RLF: variants seen among roughly 807,000 people sequenced by gnomAD.
RLF encodes the protein zinc finger protein Rlf.
In RLF, 7 loss-of-function variants were observed where a neutral mutation model predicts 162.9. The observed-to-expected ratio is 0.04, with a 90% CI of 0.02 to 0.08. The LOEUF is 0.08. Ranked by LOEUF, RLF falls within the 10% of genes least tolerant of loss-of-function variation. RLF has a pLI of 1.00. For synonymous variants in RLF, 782 were observed against 791.5 expected, an observed-to-expected ratio of 0.99 and a Z score of 0.20; for missense variants, 1,664 against 2,244.7, an observed-to-expected ratio of 0.74 and a Z score of 5.23.
At chr1:40,217,788 G>A (rs530350134) in intron 5 of RLF, among the ~76,000 whole-genome samples, 115 of 152,024 alleles carry the variant, frequency 7.6e-4, no homozygotes, top group Non-Finnish European at 1.5e-3. Flanking sequence ...AAGAAAGAAA[G>A]AAAGAAAAAC....
In RLF at chr1:40,232,367, A is replaced by T. The variant is rs117211158; in HGVS notation, c.1089+709A>T. 7.3e-4 allele frequency among the ~76,000 whole-genome samples: 111 copies of T among 152,346 alleles called. 1 individual carries two copies. The East Asian group carries it at 0.016, about 22-fold the overall frequency. On this transcript the variant is annotated intron_variant, in intron 7 of 7. Transcript: ENST00000372771. ...GTTGAATAACATCACAAAAATTAATACTTAAAACAATGTCCGTTTTTATCA... is the reference window on the plus strand; with the variant it reads ...GTTGAATAACATCACAAAAATTAATTCTTAAAACAATGTCCGTTTTTATCA...
At chr1:40,216,111 T>C (rs1642920757) in intron 5 of RLF, among the ~76,000 whole-genome samples, 1 of 152,024 alleles carries the variant, frequency 6.6e-6, no homozygotes, top group Non-Finnish European at 1.5e-5. Flanking sequence ...ATAAAAAGGA[T>C]TATAAAGGAA....
chr1:40,180,574 C>T (rs1333901637), intron 1 of RLF, among the ~76,000 whole-genome samples: 9 of 152,004 alleles, frequency 5.9e-5, no homozygotes, highest in Non-Finnish European at 2.9e-5. Flanking sequence ...TTTTATTTTA[C>T]ATGATAGTCA....
At position 40,218,255 on chromosome 1, in the gene RLF, C is replaced by G. The variant is rs1642951309; in HGVS notation, c.811-4319C>G. Among the ~76,000 whole-genome samples the G allele has an allele frequency of 2.0e-5, 3 of 152,262 alleles. No individual in the cohort carries two copies. In the South Asian group the frequency reaches 6.2e-4, roughly 32 times the overall value. On this transcript the variant is annotated intron_variant, in intron 5 of 7. Coordinates refer to ENST00000372771, the MANE Select transcript of RLF (RefSeq NM_012421.4). ...AAGTACCATCACCCTCTAACTCCAC[C>G]TTCATATGGTTGCCTTTCAAAGGTC...
At position 40,232,768 on chromosome 1, in the gene RLF, G is replaced by T. The variant is rs112240793; in HGVS notation, c.1089+1110G>T. Among the ~76,000 whole-genome samples the T allele has an allele frequency of 2.0e-5, 3 of 152,272 alleles. No homozygotes were observed. The East Asian group carries it at 5.8e-4, about 29-fold the overall frequency. On this transcript the variant is annotated intron_variant, in intron 7 of 7. Transcript: ENST00000372771. ...CACCCAGGCTGTAGTGCAGTGGTGC[G>T]ATCATAGCTCATTACAGCTTCAAAC...
chr1:40,208,910 G>A (rs72937398), intron 5 of RLF, among the ~76,000 whole-genome samples: 218 of 152,284 alleles, frequency 1.4e-3, no homozygotes, highest in African/African-American at 5.0e-3. Flanking sequence ...AGTAAGTGGT[G>A]TGCCCAGGGT....
intron 1 of RLF, among the ~76,000 whole-genome samples, chr1:40,182,277 A>G (rs1642415171): frequency 6.6e-6 from 1 of 152,130 alleles, no homozygotes; most frequent in South Asian, 2.1e-4. Flanking sequence ...TACTAAAAAT[A>G]CAAAAAATTA....
chr1:40,199,268 A>G (rs1642677972), intron 4 of RLF, among the ~76,000 whole-genome samples: 2 of 152,248 alleles, frequency 1.3e-5, no homozygotes, highest in Non-Finnish European at 2.9e-5. Flanking sequence ...CCTTGTGCTT[A>G]GTGCTGTAGG....
chr1:40,237,695 G>C lies in RLF; in HGVS notation c.2993G>C (p.Gly998Ala), dbSNP rs375323824. 6.2e-7 allele frequency: 1 copy of C among 1,613,972 alleles called. No individual in the cohort carries two copies. Among genetic ancestry groups the C allele is most frequent in the African/African-American group, 1.3e-5 (1 of 74,906 alleles). The change falls in exon 8 of 8, where the codon GGT becomes GCT. Residue 998 changes from glycine to alanine, a missense_variant. Physicochemically the swap from Gly to Ala is moderately conservative, Grantham distance 60. Transcript: ENST00000372771. This position sits in a 1 kb window ranked among gnomAD's most constrained non-coding sequence, Gnocchi z 4.4. ...ACGAAAGATCTGTTTCCCTCTTTGG[G>C]TAATGAACATAATCAGACAACTGAA... The part of the protein sequence containing the change: ...IKTKDLFPSL[G>A]NEHNQTTEKL...
rs1418484016 is a variant in RLF, at chr1:40,161,806, C to A, written c.237+170C>A. Among the ~76,000 whole-genome samples the A allele has an allele frequency of 6.6e-6, 1 of 152,200 alleles. No homozygotes were observed. Among genetic ancestry groups the A allele is most frequent in the African/African-American group, 2.4e-5 (1 of 41,460 alleles). ...GGAAGCTCGACCGCTGGCCCCCCTG[C>A]GCCACTGCCCGACTTTGGCCACCGC... On this transcript the variant is annotated intron_variant, in intron 1 of 7. Coordinates refer to ENST00000372771, the MANE Select transcript of RLF (RefSeq NM_012421.4). The surrounding 1 kb of genome is among the most constrained non-coding windows in gnomAD (Gnocchi z 4.4).
chr1:40,195,355 A>G lies in RLF; in HGVS notation c.475-277A>G, dbSNP rs538865699. Among the ~76,000 whole-genome samples, 114 of 151,784 alleles carry G rather than the reference A, an allele frequency of 7.5e-4. 3 individuals carry two copies. In the South Asian group the frequency reaches 0.023, roughly 30 times the overall value. On this transcript the variant is annotated intron_variant, in intron 3 of 7. Transcript: ENST00000372771. ...TTCCAGCTACTCAGGAGGCTGAGGC[A>G]GGATAATTGCTTGAACCCAGGGGTT...
chr1:40,226,068 C>G (rs555833576), intron 6 of RLF, among the ~76,000 whole-genome samples: 1 of 151,982 alleles, frequency 6.6e-6, no homozygotes, highest in Non-Finnish European at 1.5e-5. Flanking sequence ...CAAACAAAAA[C>G]AAAAAACTAT....
chr1:40,190,805 A>C lies in RLF; in HGVS notation c.426A>C (p.Glu142Asp). ...TCGAATTACTGCTTTCAGTGTCTGA[A>C]AGTGAACTGCCATGTGAAGTCTGGC... The part of the protein sequence containing the change: ...SCFELLLSVS[E>D]SELPCEVWLP... The change falls in exon 3 of 8, where the codon GAA (glutamate) becomes GAC (aspartate). Residue 142 changes from glutamate (E) to aspartate (D), a missense_variant. Transcript: ENST00000372771. 1 of 1,613,096 alleles carries C rather than the reference A, an allele frequency of 6.2e-7. No individual in the cohort carries two copies. The highest frequency in any genetic ancestry group is 8.5e-7 in the Non-Finnish European group (1 of 1,179,428).
Position 40,240,477 on chromosome 1 carries a change from C to A in RLF, c.*30C>A. 1 of 1,491,346 alleles carries A rather than the reference C, an allele frequency of 6.7e-7. No individual in the cohort carries two copies. The highest frequency in any genetic ancestry group is 1.2e-5 in the South Asian group (1 of 83,286). The allele number at this position is 1,491,346 out of a possible 1,614,324, so 92.4% of individuals were successfully genotyped here. The stretch of plus-strand genomic sequence containing the variant: ...CAATTTTGTTTTAGTAACAGACTGG[C>A]TCCAACACTGCAACATGGGGACATT... On this transcript the variant is annotated 3_prime_UTR_variant, in exon 8 of 8. Transcript: ENST00000372771.
chr1:40,178,953 G>A (rs1000101124), intron 1 of RLF, among the ~76,000 whole-genome samples: 1 of 152,112 alleles, frequency 6.6e-6, no homozygotes, highest in African/African-American at 2.4e-5. Flanking sequence ...TCCTGCCTCA[G>A]CTTCCTCAGT....
At chr1:40,170,449 T>G (rs996475051) in intron 1 of RLF, among the ~76,000 whole-genome samples, 3 of 152,014 alleles carry the variant, frequency 2.0e-5, no homozygotes, top group Non-Finnish European at 2.9e-5. Flanking sequence ...TTTGTAGAGA[T>G]AGGGTTTCGC....
chr1:40,240,161 A>G lies in RLF; in HGVS notation c.5459A>G (p.Asp1820Gly). Residue 1820 changes from aspartate (D) to glycine (G), a missense_variant, in exon 8 of 8, where the codon GAC becomes GGC. Physicochemically the swap from Asp to Gly is moderately conservative, Grantham distance 94. Coordinates refer to ENST00000372771, the MANE Select transcript of RLF (RefSeq NM_012421.4). ...GNVVANNMVNDSEPEVDIPHS... is the reference protein window; with the variant it reads ...GNVVANNMVNGSEPEVDIPHS... The stretch of plus-strand genomic sequence containing the variant: ...GTTGTGGCAAATAATATGGTGAATG[A>G]CAGTGAACCTGAAGTTGACATACCT... 2 of 1,614,212 alleles carry G rather than the reference A, an allele frequency of 1.2e-6. No homozygotes were observed. The highest frequency in any genetic ancestry group is 1.7e-6 in the Non-Finnish European group (2 of 1,180,042).
intron 1 of RLF, among the ~76,000 whole-genome samples, chr1:40,184,935 A>G (rs68165653): frequency 0.042 from 6,372 of 152,110 alleles, 197 homozygotes; most frequent in South Asian, 0.12. Context: ...TTCAGTTCCT[A>G]AAGAAAAATA....
chr1:40,181,074 G>A (rs896610707), intron 1 of RLF, among the ~76,000 whole-genome samples: 2 of 152,176 alleles, frequency 1.3e-5, no homozygotes, highest in Non-Finnish European at 2.9e-5. Flanking sequence ...ATGGTGTAAG[G>A]TAAGGTCCAG....
Sources: allele counts gnomAD v4.1 joint callset (sites outside exome capture counted in the v4.1 genomes callset), GRCh38; gene constraint gnomAD v4.1.1; non-coding constraint Gnocchi (gnomAD v3.1); transcripts MANE v1.5; gene names NCBI Gene and HGNC (gene_info 2026-07-23, HGNC 2026-07-21).